Variants in DNAJC10 observed in about 807,000 individuals in gnomAD.
DNAJC10 encodes DnaJ heat shock protein family (Hsp40) member C10.
DNAJC10 carries 101 observed loss-of-function variants against 115.0 expected under a neutral mutation model. That is an observed-to-expected ratio of 0.88 (90% CI 0.75 to 1.04). The LOEUF (loss-of-function observed/expected upper bound fraction) is 1.04, where lower values mean the gene tolerates loss of function less well. Ranked by LOEUF, DNAJC10 falls within the 50% of genes least tolerant of loss-of-function variation. DNAJC10 has a pLI of 0.00. For synonymous variants in DNAJC10, 307 were observed against 301.5 expected (o/e 1.02, Z -0.19); for missense variants, 981 against 928.8 (o/e 1.06, Z -0.73).
chr2:182,762,323 A>C (rs1162705837), intron 21 of DNAJC10, among the ~76,000 whole-genome samples: 1 of 152,128 alleles, frequency 6.6e-6, no homozygotes, highest in African/African-American at 2.4e-5. Flanking sequence ...CGAGACAAAG[A>C]GTGCCCAAAG....
At chr2:182,729,989 C>G in intron 8 of DNAJC10, 48 bp downstream of exon 8, 1 of 1,326,706 alleles carries the variant, frequency 7.5e-7, no homozygotes, top group Non-Finnish European at 1.1e-6. Context: ...ATTTTGAAAT[C>G]AGTATTTTGT....
chr2:182,742,402 C>T (rs1367637887), intron 13 of DNAJC10, among the ~76,000 whole-genome samples: 1 of 152,162 alleles, frequency 6.6e-6, no homozygotes, highest in Non-Finnish European at 1.5e-5. Context: ...ATTGGCCAAG[C>T]TGGCCTCGAA....
chr2:182,731,141 A>G, intron 9 of DNAJC10, 34 bp downstream of exon 9: 1 of 1,511,390 alleles, frequency 6.6e-7, no homozygotes, highest in Non-Finnish European at 9.1e-7. Flanking sequence ...TGGAATGAGA[A>G]CATGACATTT....
Position 182,785,615 on chromosome 2 carries a change from T to C in DNAJC10, c.*8483T>C, listed in dbSNP as rs1415633530. The C allele has an allele frequency of 1.3e-5, 2 of 152,104 alleles. No homozygotes were observed. Among genetic ancestry groups the C allele is most frequent in the Non-Finnish European group, 2.9e-5 (2 of 67,980 alleles). The allele number at this position is 152,104 out of a possible 1,614,324, so 9.4% of individuals were successfully genotyped here. On this transcript the variant is annotated 3_prime_UTR_variant, in exon 24 of 24. Coordinates refer to ENST00000264065, the MANE Select transcript of DNAJC10 (RefSeq NM_018981.4). ...AGAATCGGGAATGTGGGAAATTTTG[T>C]AGGACAAATGGTATGATTTCTTTAA...
At chr2:182,764,126 G>A (rs993716305) in intron 22 of DNAJC10, among the ~76,000 whole-genome samples, 1 of 152,150 alleles carries the variant, frequency 6.6e-6, no homozygotes, top group African/African-American at 2.4e-5. Context: ...GCTATTATAT[G>A]GCAGAGGTGT....
rs543397499 is a variant in DNAJC10 at position 182,743,464 on chromosome 2, T to C, written c.1192-134T>C. ...ATGTAAATGAATTATTTCTGTCTCT[T>C]ATTTTCGTAGCCTATTAGCTTCTGT... On this transcript the variant is annotated intron_variant, in intron 13 of 23. Coordinates refer to ENST00000264065, the MANE Select transcript of DNAJC10 (RefSeq NM_018981.4). The C allele has an allele frequency of 2.4e-5, 15 of 624,046 alleles. No individual in the cohort carries two copies. In the East Asian group the frequency reaches 3.2e-4, roughly 13 times the overall value. 38.7% of individuals were successfully genotyped at this position (624,046 alleles called of 1,614,324 possible). A position where few individuals can be genotyped will look rare whatever the true frequency, so the allele number is the denominator to read the frequency against.
rs1695091469 is a variant in DNAJC10, at chr2:182,793,666, T to C, written c.*16534T>C. The C allele has an allele frequency of 6.6e-6, 1 of 152,072 alleles. No homozygotes were observed. Among genetic ancestry groups the C allele is most frequent in the South Asian group, 2.1e-4 (1 of 4,828 alleles). 9.4% of individuals were successfully genotyped at this position (152,072 alleles called of 1,614,324 possible). ...GTGACCTATCTGTTACAAAAATATATCTATATAATCCTAAATTAGGTTTCA... is the reference window on the plus strand; with the variant it reads ...GTGACCTATCTGTTACAAAAATATACCTATATAATCCTAAATTAGGTTTCA... On this transcript the variant is annotated 3_prime_UTR_variant, in exon 24 of 24. Coordinates refer to ENST00000264065, the MANE Select transcript of DNAJC10 (RefSeq NM_018981.4).
At chr2:182,757,920 C>T in intron 19 of DNAJC10, 95 bp downstream of exon 19, 2 of 720,714 alleles carry the variant, frequency 2.8e-6, no homozygotes, top group Non-Finnish European at 4.2e-6. Flanking sequence ...GTTAACCCAA[C>T]AAATATTTAT....
chr2:182,793,820 T>A lies in DNAJC10; in HGVS notation c.*16688T>A, dbSNP rs1312416986. 3 of 135,636 alleles carry A rather than the reference T, an allele frequency of 2.2e-5. No individual in the cohort carries two copies. The highest frequency in any genetic ancestry group is 5.8e-5 in the African/African-American group (2 of 34,424). 8.4% of individuals were successfully genotyped at this position (135,636 alleles called of 1,614,324 possible). A position where few individuals can be genotyped will look rare whatever the true frequency, so the allele number is the denominator to read the frequency against. Reference sequence around the variant, plus strand: ...TAAAATTTTCCAGAGAGGAAACACATCACACACACACACACACACACACAC... The same window carrying A: ...TAAAATTTTCCAGAGAGGAAACACAACACACACACACACACACACACACAC... On this transcript the variant is annotated 3_prime_UTR_variant, in exon 24 of 24. Transcript: ENST00000264065.
Position 182,756,308 on chromosome 2 carries a change from C to T in DNAJC10, c.1654-6C>T, listed in dbSNP as rs1389861392. On this transcript the variant is annotated splice_polypyrimidine_tract_variant and splice_region_variant and intron_variant, in intron 17 of 23. Coordinates refer to ENST00000264065, the MANE Select transcript of DNAJC10 (RefSeq NM_018981.4). The stretch of plus-strand genomic sequence containing the variant: ...TATGTTATAATGGAAGCTATATTCT[C>T]TTCAGGATCTTATGAATCCTTCAGT... 1.2e-6 allele frequency: 2 copies of T among 1,608,964 alleles called. No homozygotes were observed. Among genetic ancestry groups the T allele is most frequent in the Non-Finnish European group, 1.7e-6 (2 of 1,177,592 alleles).
chr2:182,752,971 C>T (rs931765363), intron 16 of DNAJC10, among the ~76,000 whole-genome samples: 1 of 151,900 alleles, frequency 6.6e-6, no homozygotes, highest in African/African-American at 2.4e-5. Flanking sequence ...AAACCAAGTG[C>T]AAAGAAAGAG....
At chr2:182,718,431 A>T (rs1482975409) in intron 3 of DNAJC10, 141 bp downstream of exon 3, 15 of 744,272 alleles carry the variant, frequency 2.0e-5, no homozygotes, top group Non-Finnish European at 3.1e-5. Flanking sequence ...TAGAAACAAA[A>T]GCACCAAAAT....
rs1425753302 is a variant in DNAJC10 at position 182,785,986 on chromosome 2, G to GATA, written c.*8860_*8862dup. 2 of 152,092 alleles carry GATA rather than the reference G, an allele frequency of 1.3e-5. No homozygotes were observed. Among genetic ancestry groups the GATA allele is most frequent in the African/African-American group, 4.8e-5 (2 of 41,436 alleles). 9.4% of individuals were successfully genotyped at this position (152,092 alleles called of 1,614,324 possible). A position where few individuals can be genotyped will look rare whatever the true frequency, so the allele number is the denominator to read the frequency against. ...GAGAGAAACCAAAAAAAAGTGGGGAGATAATAATCCAGGGACTTTGGGTAG... is the reference window on the plus strand; with the variant it reads ...GAGAGAAACCAAAAAAAAGTGGGGAGATAATAATAATCCAGGGACTTTGGGTAG... On this transcript the variant is annotated 3_prime_UTR_variant, in exon 24 of 24. Transcript: ENST00000264065.
At chr2:182,743,573 C>A in intron 13 of DNAJC10, 25 bp from the exon 14 acceptor site, 1 of 1,519,694 alleles carries the variant, frequency 6.6e-7, no homozygotes, top group Non-Finnish European at 9.1e-7. Flanking sequence ...GTGTTTTTAT[C>A]AAATTTGACC....
intron 13 of DNAJC10, among the ~76,000 whole-genome samples, chr2:182,742,017 T>C (rs1263703652): frequency 6.6e-6 from 1 of 152,138 alleles, no homozygotes; most frequent in Non-Finnish European, 1.5e-5. Flanking sequence ...GGATATAAAA[T>C]CTCTATATCC....
At chr2:182,775,717 G>T (rs1694688684) in intron 23 of DNAJC10, among the ~76,000 whole-genome samples, 1 of 152,064 alleles carries the variant, frequency 6.6e-6, no homozygotes. Context: ...AAAAAGAAAT[G>T]TCTGTCAACT....
At chr2:182,733,686 C>CA (rs1472999767) in intron 10 of DNAJC10, among the ~76,000 whole-genome samples, 2 of 42,632 alleles carry the variant, frequency 4.7e-5, no homozygotes, top group Non-Finnish European at 8.3e-5. Context: ...ATTTCTTTCT[C>CA]AATTTTTTTT....
At chr2:182,744,606 C>G (rs1212276647) in intron 14 of DNAJC10, among the ~76,000 whole-genome samples, 4 of 152,050 alleles carry the variant, frequency 2.6e-5, no homozygotes, top group Admixed American at 1.3e-4. Flanking sequence ...TAAGATAACC[C>G]TCACAGTAAC....
At chr2:182,772,138 T>C (rs545899813) in intron 22 of DNAJC10, among the ~76,000 whole-genome samples, 99 of 152,286 alleles carry the variant, frequency 6.5e-4, no homozygotes, top group Non-Finnish European at 2.2e-4. Context: ...TTTGAGTGAG[T>C]TTCTTAATCC....
Sources: gnomAD v4.1 joint callset for allele counts (sites outside exome capture counted in the v4.1 genomes callset) on GRCh38, gnomAD v4.1.1 for gene constraint, MANE v1.5 for transcripts, NCBI Gene and HGNC (gene_info 2026-07-23, HGNC 2026-07-21) for gene names.